The following EEA1 variants were observed in gnomAD, a reference collection of about 807,000 sequenced individuals.
EEA1 encodes the protein early endosome antigen 1, 162kD.
In EEA1, 111 loss-of-function variants were observed where a neutral mutation model predicts 209.2. The ratio of observed to expected loss-of-function variants is 0.53; its 90% CI spans 0.45 to 0.62. EEA1 has a LOEUF of 0.62. EEA1 is among the 20% of genes least tolerant of loss of function. The pLI is 0.00. For missense variants in EEA1, 1,343 were observed against 1,530.8 expected (o/e 0.88, Z 2.05); for synonymous variants, 536 against 540.6 (o/e 0.99, Z 0.12).
intron 15 of EEA1, among the ~76,000 whole-genome samples, chr12:92,814,951 C>T (rs549159523): frequency 4.4e-4 from 67 of 152,252 alleles, no homozygotes; most frequent in African/African-American, 1.6e-3. Context: ...ACAGCTAATA[C>T]CCTTTGGCTA....
intron 1 of EEA1, among the ~76,000 whole-genome samples, chr12:92,921,655 C>T (rs1472788697): frequency 3.1e-5 from 4 of 130,630 alleles, no homozygotes; most frequent in East Asian, 2.1e-4. Flanking sequence ...TGCTAGATGA[C>T]GAGTTAGTGG....
intron 9 of EEA1, among the ~76,000 whole-genome samples, chr12:92,848,726 T>A: frequency 8.2e-6 from 1 of 121,710 alleles, no homozygotes. Context: ...TCTCACCTTT[T>A]TTTTTTTTTT....
chr12:92,925,888 T>C lies in EEA1; in HGVS notation c.24+3155A>G, dbSNP rs574641398. On this transcript the variant is annotated intron_variant, in intron 1 of 28. Coordinates refer to ENST00000322349, the MANE Select transcript of EEA1 (RefSeq NM_003566.4). ...TAATTGATGGTAAGCAGTTTGTCTG[T>C]TTCTTCTTTTAAAAAATGCTATTTA... is the stretch of plus-strand genomic sequence containing the variant. Among the ~76,000 whole-genome samples, 8 of 152,324 alleles carry C rather than the reference T, an allele frequency of 5.3e-5. No homozygotes were observed. The East Asian group carries it at 5.8e-4, about 11-fold the overall frequency.
At chr12:92,785,726 C>T (rs1281624517) in intron 22 of EEA1, among the ~76,000 whole-genome samples, 1 of 152,088 alleles carries the variant, frequency 6.6e-6, no homozygotes, top group African/African-American at 2.4e-5. Flanking sequence ...AGCAGTAGGC[C>T]TGTCTTCTCT....
intron 9 of EEA1, among the ~76,000 whole-genome samples, chr12:92,850,661 G>A (rs1340348029): frequency 1.4e-4 from 16 of 114,290 alleles, no homozygotes; most frequent in Non-Finnish European, 2.3e-4. Context: ...CTGCACTCCA[G>A]CCTGGGTGAC....
At chr12:92,808,789 G>T (rs12304260) in intron 18 of EEA1, among the ~76,000 whole-genome samples, 204 of 152,218 alleles carry the variant, frequency 1.3e-3, no homozygotes, top group African/African-American at 4.8e-3. Context: ...GAAACTGGAT[G>T]ACCCAAATTT....
Position 92,893,565 on chromosome 12 carries a change from A to G in EEA1, c.25-1844T>C, listed in dbSNP as rs143725574. 2.6e-4 allele frequency among the ~76,000 whole-genome samples: 39 copies of G among 152,350 alleles called. 1 individual carries two copies. The East Asian group carries it at 6.9e-3, about 27-fold the overall frequency. On this transcript the variant is annotated intron_variant, in intron 1 of 28. Transcript: ENST00000322349. ...CAAATAAGGATGAATTCATAATGCT[A>G]TATTCATCAAAATGATTATAAAAAC...
chr12:92,917,379 G>A (rs1345053928), intron 1 of EEA1, among the ~76,000 whole-genome samples: 1 of 147,416 alleles, frequency 6.8e-6, no homozygotes, highest in South Asian at 2.2e-4. Flanking sequence ...AAGCCCATCA[G>A]ACTAACAGCG....
chr12:92,887,013 C>T (rs1266604889), intron 2 of EEA1, among the ~76,000 whole-genome samples: 1 of 88,144 alleles, frequency 1.1e-5, no homozygotes, highest in African/African-American at 4.4e-5. Context: ...AACAAACAAA[C>T]AAACAAACAA....
intron 21 of EEA1, among the ~76,000 whole-genome samples, chr12:92,797,418 T>G (rs1874704320): frequency 6.6e-6 from 1 of 152,108 alleles, no homozygotes; most frequent in South Asian, 2.1e-4. Context: ...TACTGTACTG[T>G]TACTTTTTAT....
Position 92,773,710 on chromosome 12 carries a change from G to A in EEA1, c.*2301C>T, listed in dbSNP as rs1199725236. The stretch of plus-strand genomic sequence containing the variant: ...ACATGTAAAATGTACAGCCAATAAG[G>A]ACTTCAAAGATGACTTTTTAATTAA... On this transcript the variant is annotated 3_prime_UTR_variant, in exon 29 of 29. Transcript: ENST00000322349. The A allele has an allele frequency of 6.6e-6, 1 of 151,504 alleles. No individual in the cohort carries two copies. The highest frequency in any genetic ancestry group is 2.4e-5 in the African/African-American group (1 of 41,352). The allele number at this position is 151,504 out of a possible 1,614,324, so 9.4% of individuals were successfully genotyped here.
chr12:92,842,751 G>A (rs370377610), intron 9 of EEA1, among the ~76,000 whole-genome samples, 170 bp from the exon 10 acceptor site: 12 of 152,060 alleles, frequency 7.9e-5, no homozygotes, highest in Admixed American at 2.0e-4. Context: ...TTCGGCTTAC[G>A]ACAAATTTTT....
Position 92,896,192 on chromosome 12 carries a change from T to A in EEA1, c.25-4471A>T, listed in dbSNP as rs1879874435. ...TTTCACCATGTTGGCCAGGATGGTC[T>A]CGATCTCTTCACCTCGTGATCCACC... On this transcript the variant is annotated intron_variant, in intron 1 of 28. Transcript: ENST00000322349. 2.0e-5 allele frequency among the ~76,000 whole-genome samples: 3 copies of A among 152,222 alleles called. No homozygotes were observed. The South Asian group carries it at 6.2e-4, about 32-fold the overall frequency.
intron 9 of EEA1, among the ~76,000 whole-genome samples, chr12:92,848,273 C>T (rs1877463137): frequency 6.6e-6 from 1 of 150,716 alleles, no homozygotes; most frequent in South Asian, 2.1e-4. Flanking sequence ...GCCCTGTTTG[C>T]AGGAGGAGAC....
At chr12:92,838,906 G>A (rs1449553296) in intron 10 of EEA1, among the ~76,000 whole-genome samples, 1 of 151,966 alleles carries the variant, frequency 6.6e-6, no homozygotes, top group African/African-American at 2.4e-5. Context: ...TACTGAACTA[G>A]CCACACTTTT....
chr12:92,830,189 G>C (rs1259375584), intron 11 of EEA1, among the ~76,000 whole-genome samples: 1 of 151,884 alleles, frequency 6.6e-6, no homozygotes, highest in Non-Finnish European at 1.5e-5. Context: ...TTTTATTTTA[G>C]GTTCAGGGAT....
intron 13 of EEA1, among the ~76,000 whole-genome samples, chr12:92,823,010 G>A (rs1306678129): frequency 6.6e-6 from 1 of 152,008 alleles, no homozygotes; most frequent in East Asian, 1.9e-4. Context: ...GTCAACCAGT[G>A]CTGTTTATTT....
intron 10 of EEA1, among the ~76,000 whole-genome samples, chr12:92,837,315 G>A (rs991751501): frequency 7.9e-5 from 12 of 152,128 alleles, no homozygotes; most frequent in African/African-American, 2.9e-4. Flanking sequence ...GCCAGTAAGT[G>A]GCAAAGCTGA....
intron 1 of EEA1, among the ~76,000 whole-genome samples, chr12:92,898,468 A>G (rs1256054555): frequency 6.6e-6 from 1 of 152,062 alleles, no homozygotes; most frequent in East Asian, 1.9e-4. Flanking sequence ...GTTTGAGACC[A>G]GCCTGGCCAA....
Sources: gnomAD v4.1 joint callset for allele counts (sites outside exome capture counted in the v4.1 genomes callset) on GRCh38, gnomAD v4.1.1 for gene constraint, MANE v1.5 for transcripts, NCBI Gene and HGNC (gene_info 2026-07-23, HGNC 2026-07-21) for gene names.